The following PPP2R2B variants were observed in gnomAD, a reference collection of about 807,000 sequenced individuals.
PPP2R2B encodes protein phosphatase 2 regulatory subunit Bbeta, also known as serine/threonine-protein phosphatase 2A 55 kDa regulatory subunit B beta isoform.
In PPP2R2B, 5 loss-of-function variants were observed where a neutral mutation model predicts 46.0. The observed-to-expected ratio is 0.11, with a 90% CI of 0.06 to 0.23. The LOEUF (loss-of-function observed/expected upper bound fraction) is 0.23. Ranked by LOEUF, PPP2R2B falls within the 10% of genes least tolerant of loss-of-function variation. PPP2R2B has a pLI of 1.00. For synonymous variants in PPP2R2B, 215 were observed against 206.7 expected (o/e 1.04, Z -0.34); for missense variants, 367 against 575.0 (o/e 0.64, Z 3.70).
chr5:146,726,192 G>A (rs979182080), intron 2 of PPP2R2B, among the ~76,000 whole-genome samples: 5 of 152,062 alleles, frequency 3.3e-5, no homozygotes, highest in Non-Finnish European at 5.9e-5. Flanking sequence ...CTCCACCACT[G>A]CATCCCCACC....
At chr5:146,656,112 T>A (rs1358081855) in intron 5 of PPP2R2B, among the ~76,000 whole-genome samples, 1 of 152,168 alleles carries the variant, frequency 6.6e-6, no homozygotes, top group Admixed American at 6.5e-5. Flanking sequence ...AACAGTGAAC[T>A]CTCTGTGGTA....
At chr5:146,997,619 C>T (rs1442920350) in intron 1 of PPP2R2B, among the ~76,000 whole-genome samples, 2 of 152,114 alleles carry the variant, frequency 1.3e-5, no homozygotes, top group African/African-American at 4.8e-5. Context: ...TACATTAAAA[C>T]ATGGAGTAAT....
At chr5:146,920,548 G>C (rs935434100) in intron 1 of PPP2R2B, among the ~76,000 whole-genome samples, 1 of 152,172 alleles carries the variant, frequency 6.6e-6, no homozygotes, top group Non-Finnish European at 1.5e-5. Flanking sequence ...AGTGCTTTCC[G>C]ACTGAGTTAA....
At chr5:146,887,290 T>C (rs1219434574) in intron 1 of PPP2R2B, among the ~76,000 whole-genome samples, 2 of 152,138 alleles carry the variant, frequency 1.3e-5, no homozygotes, top group African/African-American at 4.8e-5. Flanking sequence ...ATGGTTACCA[T>C]ATTGGACAGC....
chr5:146,840,246 A>C (rs200135295), intron 2 of PPP2R2B, among the ~76,000 whole-genome samples: 1 of 116,650 alleles, frequency 8.6e-6, no homozygotes. Context: ...ACAAACATTT[A>C]ATTGAGTGAC....
intron 2 of PPP2R2B, among the ~76,000 whole-genome samples, chr5:146,835,449 G>C (rs1057325888): frequency 2.6e-5 from 4 of 152,100 alleles, no homozygotes; most frequent in Non-Finnish European, 4.4e-5. Context: ...CCCTCATGAA[G>C]CATGTTGAGT....
At chr5:147,019,660 C>A (rs1755169575) in intron 1 of PPP2R2B, among the ~76,000 whole-genome samples, 1 of 152,080 alleles carries the variant, frequency 6.6e-6, no homozygotes, top group Non-Finnish European at 1.5e-5. Flanking sequence ...GAGTGCTTTG[C>A]ATCTGGGATC....
intron 2 of PPP2R2B, among the ~76,000 whole-genome samples, chr5:146,863,372 A>T (rs562398633): frequency 6.6e-6 from 1 of 152,228 alleles, no homozygotes; most frequent in South Asian, 2.1e-4. Context: ...TGCCTGTCAT[A>T]TCTTCTCCTT....
rs755723721 is a variant in PPP2R2B, at chr5:146,591,873, C to T, written c.1052+1098G>A. ...AGTTTCCTTAACTGTAAAATGAGAA[C>T]GATGGAAGCAATCTTGTTAGACTGT... is the stretch of plus-strand genomic sequence containing the variant. On this transcript the variant is annotated intron_variant, in intron 9 of 9. Coordinates refer to ENST00000394411, the MANE Select transcript of PPP2R2B (RefSeq NM_181675.4). 5.3e-5 allele frequency among the ~76,000 whole-genome samples: 8 copies of T among 151,932 alleles called. No homozygotes were observed. The East Asian group carries it at 5.8e-4, about 11-fold the overall frequency.
chr5:146,748,886 T>A (rs1428460685), intron 2 of PPP2R2B, among the ~76,000 whole-genome samples: 1 of 152,246 alleles, frequency 6.6e-6, no homozygotes, highest in Non-Finnish European at 1.5e-5. Flanking sequence ...CATACATTTT[T>A]TTTATTTTTC....
intron 1 of PPP2R2B, among the ~76,000 whole-genome samples, chr5:146,988,523 T>C (rs1753535475): frequency 6.6e-6 from 1 of 151,720 alleles, no homozygotes; most frequent in Non-Finnish European, 1.5e-5. Context: ...AACTAATGGG[T>C]CAATGAAGAA....
At chr5:146,660,436 AAAG>A (rs1389142174) in intron 5 of PPP2R2B, among the ~76,000 whole-genome samples, 1 of 152,094 alleles carries the variant, frequency 6.6e-6, no homozygotes, top group Non-Finnish European at 1.5e-5. Flanking sequence ...ATTTTCCCTC[AAAG>A]AATTAGTGGA....
intron 1 of PPP2R2B, among the ~76,000 whole-genome samples, chr5:146,961,370 C>A (rs995433300): frequency 6.6e-6 from 1 of 152,138 alleles, no homozygotes; most frequent in Admixed American, 6.6e-5. Context: ...AATGCCTGGG[C>A]TACATGCTGA....
chr5:147,068,149 C>A, intron 2 of PPP2R2B, among the ~76,000 whole-genome samples: 1 of 152,122 alleles, frequency 6.6e-6, no homozygotes, highest in African/African-American at 2.4e-5. Context: ...TTCTTGTTAT[C>A]TGTTTTCATT....
chr5:146,665,539 T>C (rs1237827289), intron 5 of PPP2R2B, among the ~76,000 whole-genome samples: 3 of 152,228 alleles, frequency 2.0e-5, no homozygotes, highest in Non-Finnish European at 2.9e-5. Context: ...CTTCTATCCA[T>C]ACCACTCAAA....
At position 146,906,092 on chromosome 5, in the gene PPP2R2B, A is replaced by G. The variant is rs142831846; in HGVS notation, c.79+149573T>C. On this transcript the variant is annotated intron_variant, in intron 1 of 8. Transcript: ENST00000336640. ...TTTTATAAGTTCTAAATAAAAATTA[A>G]GTATTTCTAGTAAAGATATATTGTC... Among the ~76,000 whole-genome samples, 1,496 of 152,284 alleles carry G rather than the reference A, an allele frequency of 9.8e-3. 17 individuals carry two copies. Among genetic ancestry groups the G allele is most frequent in the African/African-American group, 0.034 (1,414 of 41,574 alleles).
chr5:146,710,179 A>C (rs1411860988), intron 2 of PPP2R2B, among the ~76,000 whole-genome samples: 1 of 152,166 alleles, frequency 6.6e-6, no homozygotes, highest in African/African-American at 2.4e-5. Context: ...CAATTTATTC[A>C]TGGTGTTCAT....
intron 2 of PPP2R2B, among the ~76,000 whole-genome samples, chr5:146,867,317 A>T (rs919741880): frequency 6.6e-6 from 1 of 152,168 alleles, no homozygotes; most frequent in South Asian, 2.1e-4. Flanking sequence ...TGCAAGAAAA[A>T]TATTACAACC....
chr5:146,601,636 A>C (rs971636712), intron 7 of PPP2R2B, among the ~76,000 whole-genome samples: 1 of 152,220 alleles, frequency 6.6e-6, no homozygotes, highest in African/African-American at 2.4e-5. Context: ...ACCTTAGGCA[A>C]GATACTTCTC....
Sources: allele counts gnomAD v4.1 joint callset (sites outside exome capture counted in the v4.1 genomes callset), GRCh38; gene constraint gnomAD v4.1.1; transcripts MANE v1.5; gene names NCBI Gene and HGNC (gene_info 2026-07-23, HGNC 2026-07-21).